Variants in SNX29 observed in about 807,000 individuals in gnomAD.
SNX29 encodes sorting nexin 29, also known as sorting nexin-29.
SNX29 carries 78 observed loss-of-function variants against 102.1 expected under a neutral mutation model. The ratio of observed to expected loss-of-function variants is 0.76; its 90% CI spans 0.64 to 0.92. The LOEUF (loss-of-function observed/expected upper bound fraction) is 0.92, where lower values mean the gene tolerates loss of function less well. Ranked by LOEUF, SNX29 falls within the 40% of genes least tolerant of loss-of-function variation. The pLI, the probability that SNX29 is intolerant of heterozygous loss-of-function variation, is 0.00. For missense variants in SNX29, 1,280 were observed against 1,061.7 expected (o/e 1.21, Z -2.86); for synonymous variants, 580 against 414.5 (o/e 1.40, Z -4.85).
intron 14 of SNX29, among the ~76,000 whole-genome samples, chr16:12,242,528 C>A (rs2078137987): frequency 6.6e-6 from 1 of 150,798 alleles, no homozygotes; most frequent in South Asian, 2.1e-4. Context: ...AGAAGAGCAT[C>A]CCTCCCAGGG....
At chr16:12,349,502 C>T (rs1057012672) in intron 15 of SNX29, among the ~76,000 whole-genome samples, 1 of 152,204 alleles carries the variant, frequency 6.6e-6, no homozygotes, top group Non-Finnish European at 1.5e-5. Flanking sequence ...CGGAAGTCAG[C>T]ATATTTTGAG....
At chr16:12,372,036 G>T (rs79619773) in intron 16 of SNX29, among the ~76,000 whole-genome samples, 23 of 152,220 alleles carry the variant, frequency 1.5e-4, no homozygotes, top group South Asian at 1.5e-3. Context: ...CAACTATCTA[G>T]AGTACAAAAG....
rs142301655 is a variant in SNX29, at chr16:12,098,085, C to T, written c.1402+19170C>T. On this transcript the variant is annotated intron_variant, in intron 11 of 20. Transcript: ENST00000566228. This position sits in a 1 kb window ranked among gnomAD's most constrained non-coding sequence, Gnocchi z 6.0. ...TGAATAGCACTTGCCATGTGCAGTGCCCGCACACGCTGGGCCCAGAGGACG... is the reference window on the plus strand; with the variant it reads ...TGAATAGCACTTGCCATGTGCAGTGTCCGCACACGCTGGGCCCAGAGGACG... Among the ~76,000 whole-genome samples the T allele has an allele frequency of 1.3e-5, 2 of 152,318 alleles. No homozygotes were observed. The highest frequency in any genetic ancestry group is 2.1e-4 in the South Asian group (1 of 4,830).
intron 14 of SNX29, among the ~76,000 whole-genome samples, chr16:12,260,145 G>A (rs1170884856): frequency 1.3e-5 from 2 of 152,162 alleles, no homozygotes; most frequent in Non-Finnish European, 2.9e-5. Flanking sequence ...AGCTTTCAAC[G>A]TGATTTCTTT....
chr16:12,443,678 C>A (rs1342253203), intron 18 of SNX29, among the ~76,000 whole-genome samples: 1 of 152,170 alleles, frequency 6.6e-6, no homozygotes. Context: ...CTCAAACTCC[C>A]GACCTCAGAT....
chr16:12,229,404 G>T (rs556843906), intron 14 of SNX29, among the ~76,000 whole-genome samples: 3 of 152,202 alleles, frequency 2.0e-5, no homozygotes, highest in African/African-American at 7.2e-5. Context: ...TTTCCATGTC[G>T]TGTATGCGGC....
At chr16:12,015,289 CCA>C (rs2056809999) in intron 3 of SNX29, among the ~76,000 whole-genome samples, 1 of 151,880 alleles carries the variant, frequency 6.6e-6, no homozygotes, top group Non-Finnish European at 1.5e-5. Flanking sequence ...CACTCTGTCG[CCA>C]GATTGGAGTG....
intron 14 of SNX29, among the ~76,000 whole-genome samples, chr16:12,251,833 C>T (rs991244779): frequency 2.0e-5 from 3 of 152,068 alleles, no homozygotes; most frequent in African/African-American, 7.2e-5. Flanking sequence ...GATCACGGCT[C>T]ACTGCAGCCT....
chr16:12,401,074 GCCTA>G (rs2083921510), intron 17 of SNX29, among the ~76,000 whole-genome samples: 1 of 151,984 alleles, frequency 6.6e-6, no homozygotes, highest in African/African-American at 2.4e-5. Context: ...CTCGTGATCC[GCCTA>G]CCTCGGCCTC....
chr16:12,332,586 GGTT>G (rs1378560759), intron 15 of SNX29, among the ~76,000 whole-genome samples: 1 of 152,138 alleles, frequency 6.6e-6, no homozygotes, highest in East Asian at 1.9e-4. Context: ...ATGGTGGAGT[GGTT>G]GTGAGCTCCC....
Position 12,061,625 on chromosome 16 carries a change from G to A in SNX29, c.1222G>A (p.Val408Met), listed in dbSNP as rs375700110. ...DSDILFPVSG[V>M]GSYSPADAPL... ...CGACATCCTCTTCCCTGTCAGTGGC[G>A]TGGGCTCCTACAGCCCAGCAGGTGG... The change falls in exon 9 of 21, where the codon GTG (valine) becomes ATG (methionine). Residue 408 changes from valine (V) to methionine (M), a missense_variant. Physicochemically the swap from Val to Met is conservative, Grantham distance 21. Transcript: ENST00000566228. The A allele has an allele frequency of 1.2e-5, 20 of 1,611,522 alleles. No homozygotes were observed. In the Admixed American group the frequency reaches 2.2e-4, roughly 18 times the overall value.
chr16:12,556,890 TCTC>T (rs1328021454), intron 20 of SNX29, among the ~76,000 whole-genome samples: 3 of 148,474 alleles, frequency 2.0e-5, no homozygotes, highest in Admixed American at 6.6e-5. Flanking sequence ...TCTCCGTCTG[TCTC>T]CTCACCTTGA....
At chr16:11,978,042 C>T (rs928339356) in intron 1 of SNX29, among the ~76,000 whole-genome samples, 1 of 152,154 alleles carries the variant, frequency 6.6e-6, no homozygotes, top group African/African-American at 2.4e-5. Flanking sequence ...TCAATTTTAA[C>T]TTTTAAAGTT....
intron 15 of SNX29, among the ~76,000 whole-genome samples, chr16:12,344,418 C>T (rs1462782339): frequency 6.6e-6 from 1 of 152,180 alleles, no homozygotes; most frequent in Non-Finnish European, 1.5e-5. Context: ...GATGGAACCA[C>T]TAGCTAGAAT....
chr16:12,553,895 G>C (rs976297545), intron 20 of SNX29, among the ~76,000 whole-genome samples: 5 of 151,914 alleles, frequency 3.3e-5, no homozygotes, highest in Non-Finnish European at 7.4e-5. Flanking sequence ...CTAGGCTGGA[G>C]TGCAGTGGCA....
At position 12,571,680 on chromosome 16, in the gene SNX29, C is replaced by T. The variant is rs541940927; in HGVS notation, c.*3051C>T. ...GAACGGTAGGGCTGGGCAGAGGTGT[C>T]TCTCCTTGAGAGACAACAAAAGCTT... On this transcript the variant is annotated 3_prime_UTR_variant, in exon 21 of 21. Transcript: ENST00000566228. 5 of 1,059,632 alleles carry T rather than the reference C, an allele frequency of 4.7e-6. No homozygotes were observed. The highest frequency in any genetic ancestry group is 4.6e-6 in the Non-Finnish European group (4 of 876,270). The allele number at this position is 1,059,632 out of a possible 1,614,324, so 65.6% of individuals were successfully genotyped here. A position where few individuals can be genotyped will look rare whatever the true frequency, so the allele number is the denominator to read the frequency against.
intron 13 of SNX29, among the ~76,000 whole-genome samples, chr16:12,149,944 C>G (rs955756882): frequency 6.6e-6 from 1 of 152,122 alleles, no homozygotes; most frequent in African/African-American, 2.4e-5. Flanking sequence ...AAGGAAGATG[C>G]TGTGTCAAGG....
chr16:12,423,649 C>T (rs1027562814), intron 18 of SNX29, among the ~76,000 whole-genome samples: 22 of 152,148 alleles, frequency 1.4e-4, no homozygotes, highest in African/African-American at 5.3e-4. Flanking sequence ...TGGCTCACTG[C>T]AAACTCTGCC....
chr16:12,246,172 G>C (rs553269194), intron 14 of SNX29, among the ~76,000 whole-genome samples: 8 of 152,244 alleles, frequency 5.3e-5, no homozygotes, highest in Non-Finnish European at 8.8e-5. Flanking sequence ...GTCTGTAATT[G>C]AGGCTGATGT....
Sources: gnomAD v4.1 joint callset for allele counts (sites outside exome capture counted in the v4.1 genomes callset) on GRCh38, gnomAD v4.1.1 for gene constraint, Gnocchi (gnomAD v3.1) non-coding constraint, MANE v1.5 for transcripts, NCBI Gene and HGNC (gene_info 2026-07-23, HGNC 2026-07-21) for gene names.